The following NT5C2 variants were observed in gnomAD, a reference collection of about 807,000 sequenced individuals.
NT5C2 encodes the protein 5'-nucleotidase, cytosolic II, also known as cytosolic purine 5'-nucleotidase.
A neutral mutation model predicts 76.1 loss-of-function variants in NT5C2; 58 were observed. That is an observed-to-expected ratio of 0.76 (90% CI 0.62 to 0.95). NT5C2 has a LOEUF of 0.95. NT5C2 is among the 40% of genes least tolerant of loss of function. The pLI is 0.00. For missense variants in NT5C2, 478 were observed against 690.3 expected (o/e 0.69, Z 3.45); for synonymous variants, 229 against 237.4 (o/e 0.96, Z 0.32).
At chr10:103,142,164 C>CAAT (rs1164343443) in intron 3 of NT5C2, among the ~76,000 whole-genome samples, 2 of 151,836 alleles carry the variant, frequency 1.3e-5, no homozygotes, top group East Asian at 3.9e-4. Flanking sequence ...GGGGAAGGAG[C>CAAT]AATAAAAGCT....
chr10:103,178,946 CT>C (rs371982966), intron 2 of NT5C2, among the ~76,000 whole-genome samples: 11 of 136,198 alleles, frequency 8.1e-5, no homozygotes, highest in African/African-American at 3.0e-4. Context: ...TTTCTTTTTT[CT>C]TTTTTTCTTT....
intron 4 of NT5C2, among the ~76,000 whole-genome samples, chr10:103,129,553 C>A (rs1283702055): frequency 7.7e-6 from 1 of 129,612 alleles, no homozygotes. Flanking sequence ...CCCGGCCAGC[C>A]GCCCCGTCCG....
chr10:103,089,571 C>A lies in NT5C2; in HGVS notation c.*101G>T. The A allele has an allele frequency of 1.4e-6, 2 of 1,423,020 alleles. No homozygotes were observed. Among genetic ancestry groups the A allele is most frequent in the South Asian group, 1.7e-5 (1 of 59,836 alleles). 88.1% of individuals were successfully genotyped at this position (1,423,020 alleles called of 1,614,324 possible). On this transcript the variant is annotated 3_prime_UTR_variant, in exon 19 of 19. Coordinates refer to ENST00000404739, the MANE Select transcript of NT5C2 (RefSeq NM_001351169.2). ...TTTTCAGACGTACCTTTCATGGAGC[C>A]CCCTCCCTCCCCCGAGTAGAACCCT...
At chr10:103,165,579 T>C (rs2086177992) in intron 3 of NT5C2, among the ~76,000 whole-genome samples, 1 of 149,448 alleles carries the variant, frequency 6.7e-6, no homozygotes, top group African/African-American at 2.4e-5. Flanking sequence ...TGTGGCTTTT[T>C]TTTTTTTTTT....
intron 3 of NT5C2, among the ~76,000 whole-genome samples, chr10:103,162,153 C>A (rs1409018359): frequency 6.6e-6 from 1 of 152,016 alleles, no homozygotes; most frequent in African/African-American, 2.4e-5. Context: ...GTAGCTGGGA[C>A]TACAGGCACG....
chr10:103,150,947 T>A (rs2082290957), intron 3 of NT5C2, among the ~76,000 whole-genome samples: 1 of 152,212 alleles, frequency 6.6e-6, no homozygotes, highest in Admixed American at 6.5e-5. Flanking sequence ...AAACAGGAAT[T>A]TGATTTTTTA....
chr10:103,130,254 C>CGTAA (rs1291605983), intron 4 of NT5C2, among the ~76,000 whole-genome samples: 3 of 151,682 alleles, frequency 2.0e-5, no homozygotes, highest in African/African-American at 7.3e-5. Context: ...TGTGACCTTA[C>CGTAA]CCCCAACCCT....
intron 4 of NT5C2, among the ~76,000 whole-genome samples, chr10:103,131,261 T>C: frequency 6.6e-6 from 1 of 152,234 alleles, no homozygotes; most frequent in Admixed American, 6.5e-5. Context: ...TGCTGTAAGG[T>C]AATTATATAT....
chr10:103,101,581 GCT>G (rs1334207249), intron 6 of NT5C2, among the ~76,000 whole-genome samples: 2 of 149,370 alleles, frequency 1.3e-5, no homozygotes, highest in East Asian at 3.9e-4. Flanking sequence ...CCTGAAGATT[GCT>G]CAAGCAATCT....
chr10:103,180,308 A>T (rs2090830401), intron 2 of NT5C2, among the ~76,000 whole-genome samples: 1 of 152,224 alleles, frequency 6.6e-6, no homozygotes. Flanking sequence ...GAAAGAAAAT[A>T]AAAAAGGCAC....
chr10:103,144,401 AG>A (rs993090672), intron 3 of NT5C2, among the ~76,000 whole-genome samples: 1 of 152,240 alleles, frequency 6.6e-6, no homozygotes, highest in Non-Finnish European at 1.5e-5. Context: ...CTAACATTAC[AG>A]GAAAAAGGAG....
intron 3 of NT5C2, among the ~76,000 whole-genome samples, chr10:103,168,492 G>T (rs895056859): frequency 1.3e-5 from 2 of 152,200 alleles, no homozygotes; most frequent in Non-Finnish European, 2.9e-5. Context: ...ATCACTAAAA[G>T]ATTCTAGTAT....
intron 4 of NT5C2, among the ~76,000 whole-genome samples, chr10:103,132,239 T>G (rs2078320953): frequency 7.2e-6 from 1 of 139,466 alleles, no homozygotes; most frequent in Admixed American, 7.3e-5. Context: ...AAACTTCATC[T>G]CGAAAAAAAA....
At chr10:103,093,688 T>C (rs2067460118) in intron 14 of NT5C2, 1 of 432,586 alleles carries the variant, frequency 2.3e-6, no homozygotes, top group Non-Finnish European at 4.1e-6. Flanking sequence ...CTTGAGAACA[T>C]ATTGAGAAGT....
intron 4 of NT5C2, among the ~76,000 whole-genome samples, chr10:103,109,093 G>A (rs1381628849): frequency 3.3e-5 from 5 of 152,106 alleles, no homozygotes; most frequent in African/African-American, 7.2e-5. Context: ...CAAGTGATCC[G>A]CCTGCCTCGG....
intron 16 of NT5C2, 61 bp from the exon 17 acceptor site, chr10:103,091,057 G>A (rs1274642538): frequency 6.9e-7 from 1 of 1,453,362 alleles, no homozygotes; most frequent in Admixed American, 1.7e-5. Flanking sequence ...TATTCTTTAA[G>A]ACAGTCTCAT....
At chr10:103,175,042 A>G (rs1565290904) in intron 2 of NT5C2, 60 bp from the exon 3 acceptor site, 3 of 963,868 alleles carry the variant, frequency 3.1e-6, no homozygotes, top group African/African-American at 1.6e-5. Context: ...CTGACATCTG[A>G]TTTTTTTAAA....
In NT5C2 at chr10:103,136,626, A is replaced by ATTTT. The variant is rs71019660; in HGVS notation, c.175+2776_175+2779dup. The stretch of plus-strand genomic sequence containing the variant: ...AGTTTAGAGACAGATTCAGTTAATT[A>ATTTT]TTTTTTTTTTTTTTTTGAGACACGG... On this transcript the variant is annotated intron_variant, in intron 4 of 18. Coordinates refer to ENST00000404739, the MANE Select transcript of NT5C2 (RefSeq NM_001351169.2). Among the ~76,000 whole-genome samples the ATTTT allele has an allele frequency of 2.8e-5, 4 of 143,016 alleles. No individual in the cohort carries two copies. The South Asian group carries it at 9.0e-4, about 32-fold the overall frequency. 93.8% of individuals were successfully genotyped at this position (143,016 alleles called of 152,430 possible). A position where few individuals can be genotyped will look rare whatever the true frequency, so the allele number is the denominator to read the frequency against.
intron 3 of NT5C2, among the ~76,000 whole-genome samples, chr10:103,158,886 A>G (rs2084077218): frequency 6.6e-6 from 1 of 152,090 alleles, no homozygotes; most frequent in Non-Finnish European, 1.5e-5. Flanking sequence ...AAAAACAGAT[A>G]TAATACTATA....
Sources: allele counts gnomAD v4.1 joint callset (sites outside exome capture counted in the v4.1 genomes callset), GRCh38; gene constraint gnomAD v4.1.1; transcripts MANE v1.5; gene names NCBI Gene and HGNC (gene_info 2026-07-23, HGNC 2026-07-21).